The following GNAQ variants were observed in gnomAD, a reference collection of about 807,000 sequenced individuals.
The protein encoded by GNAQ is G protein subunit alpha q, also known as guanine nucleotide-binding protein G(q) subunit alpha.
Under a neutral mutation model 43.9 loss-of-function variants are expected in GNAQ, and 8 were observed. The ratio of observed to expected loss-of-function variants is 0.18; its 90% CI spans 0.11 to 0.33. The LOEUF is 0.33. GNAQ is among the 10% of genes least tolerant of loss of function. GNAQ has a pLI of 1.00. For synonymous variants in GNAQ, 155 were observed against 170.7 expected, an observed-to-expected ratio of 0.91 and a Z score of 0.71; for missense variants, 158 against 450.8, an observed-to-expected ratio of 0.35 and a Z score of 5.88.
chr9:77,756,023 C>G (rs986332953), intron 5 of GNAQ, among the ~76,000 whole-genome samples: 1 of 152,142 alleles, frequency 6.6e-6, no homozygotes, highest in African/African-American at 2.4e-5. Context: ...CAGCCGGAAT[C>G]AAAGCAGGCA....
intron 1 of GNAQ, among the ~76,000 whole-genome samples, chr9:77,969,106 C>T (rs1823205052): frequency 2.0e-5 from 3 of 152,218 alleles, no homozygotes; most frequent in Admixed American, 2.0e-4. Flanking sequence ...GGTCTGCATG[C>T]ACCCCCAGGT....
chr9:78,029,846 T>C (rs1824027632), intron 1 of GNAQ, among the ~76,000 whole-genome samples: 1 of 152,214 alleles, frequency 6.6e-6, no homozygotes, highest in Non-Finnish European at 1.5e-5. Flanking sequence ...GAAACACATT[T>C]ATTATACATG....
At chr9:77,751,801 A>C (rs1200586136) in intron 5 of GNAQ, among the ~76,000 whole-genome samples, 1 of 152,116 alleles carries the variant, frequency 6.6e-6, no homozygotes, top group Non-Finnish European at 1.5e-5. Flanking sequence ...AAAACAAACA[A>C]ACAAACAAAC....
intron 1 of GNAQ, among the ~76,000 whole-genome samples, chr9:77,945,244 G>A (rs1822871601): frequency 6.6e-6 from 1 of 152,106 alleles, no homozygotes; most frequent in African/African-American, 2.4e-5. Flanking sequence ...CACAAAAGAG[G>A]TAAATCTATT....
At chr9:77,784,394 C>A (rs999919432) in intron 5 of GNAQ, among the ~76,000 whole-genome samples, 1 of 152,142 alleles carries the variant, frequency 6.6e-6, no homozygotes, top group South Asian at 2.1e-4. Context: ...TATTCCTACC[C>A]AAGTGATCTC....
intron 2 of GNAQ, among the ~76,000 whole-genome samples, chr9:77,903,437 C>A (rs1046483567): frequency 2.0e-5 from 3 of 152,138 alleles, no homozygotes; most frequent in South Asian, 4.1e-4. Flanking sequence ...GAAGCAGGGA[C>A]TGTAAGGAGG....
chr9:78,017,818 A>G (rs1344835419), intron 1 of GNAQ, among the ~76,000 whole-genome samples: 1 of 152,212 alleles, frequency 6.6e-6, no homozygotes, highest in Non-Finnish European at 1.5e-5. Context: ...GGCAAAGGAA[A>G]TGAAGAAACA....
At chr9:77,724,291 A>G (rs1825364202) in intron 6 of GNAQ, among the ~76,000 whole-genome samples, 1 of 152,108 alleles carries the variant, frequency 6.6e-6, no homozygotes, top group South Asian at 2.1e-4. Flanking sequence ...CCTGGGTTCA[A>G]GCGAAATCTC....
At chr9:78,009,286 G>A (rs1823745384) in intron 1 of GNAQ, among the ~76,000 whole-genome samples, 1 of 152,144 alleles carries the variant, frequency 6.6e-6, no homozygotes, top group African/African-American at 2.4e-5. Flanking sequence ...AATGTGCACT[G>A]CCAGGGGTGC....
At chr9:77,991,142 G>A (rs773709252) in intron 1 of GNAQ, among the ~76,000 whole-genome samples, 21 of 152,186 alleles carry the variant, frequency 1.4e-4, no homozygotes, top group Non-Finnish European at 5.9e-5. Context: ...GAGCATATTT[G>A]CCATTTACAA....
At chr9:77,822,396 CATA>C (rs1403566791) in intron 2 of GNAQ, among the ~76,000 whole-genome samples, 1 of 152,130 alleles carries the variant, frequency 6.6e-6, no homozygotes, top group African/African-American at 2.4e-5. Flanking sequence ...TCTGAGATCA[CATA>C]ATGTTATGTG....
intron 1 of GNAQ, among the ~76,000 whole-genome samples, chr9:77,964,232 AATGTT>A (rs1823139511): frequency 6.6e-6 from 1 of 152,214 alleles, no homozygotes; most frequent in Admixed American, 6.5e-5. Flanking sequence ...AACAATCCTA[AATGTT>A]TATGTATCCA....
At chr9:77,842,623 G>A (rs1220997519) in intron 2 of GNAQ, among the ~76,000 whole-genome samples, 1 of 152,160 alleles carries the variant, frequency 6.6e-6, no homozygotes, top group African/African-American at 2.4e-5. Flanking sequence ...CTTACAGCAT[G>A]CTTTCCAAGG....
chr9:77,869,101 G>A (rs1827995673), intron 2 of GNAQ, among the ~76,000 whole-genome samples: 2 of 152,098 alleles, frequency 1.3e-5, no homozygotes, highest in Admixed American at 6.5e-5. Flanking sequence ...TCGCTCCACT[G>A]TCTTTGTCAA....
intron 3 of GNAQ, among the ~76,000 whole-genome samples, chr9:77,805,388 G>A (rs1055104347): frequency 1.3e-5 from 2 of 152,002 alleles, no homozygotes. Context: ...CAGGCATTTT[G>A]TTCATAAGAA....
chr9:77,826,882 A>C (rs1162877991), intron 2 of GNAQ, among the ~76,000 whole-genome samples: 2 of 152,320 alleles, frequency 1.3e-5, no homozygotes, highest in East Asian at 3.9e-4. Flanking sequence ...GTCCTTACAC[A>C]ACCCTTTTTT....
At chr9:77,887,915 A>G (rs1828338177) in intron 2 of GNAQ, among the ~76,000 whole-genome samples, 1 of 152,216 alleles carries the variant, frequency 6.6e-6, no homozygotes, top group Non-Finnish European at 1.5e-5. Context: ...CTGGCACATG[A>G]ATAATTCTTT....
intron 5 of GNAQ, among the ~76,000 whole-genome samples, chr9:77,771,237 G>A (rs1205435034): frequency 1.3e-5 from 2 of 152,270 alleles, no homozygotes; most frequent in East Asian, 3.9e-4. Flanking sequence ...GGGCCATAAG[G>A]GGATGGGAGA....
intron 2 of GNAQ, among the ~76,000 whole-genome samples, chr9:77,865,105 TCCA>T (rs1207056815): frequency 6.6e-6 from 1 of 152,186 alleles, no homozygotes; most frequent in Admixed American, 6.5e-5. Flanking sequence ...CTAGAATGAC[TCCA>T]CATTTGTCAG....
Sources: allele counts gnomAD v4.1 joint callset (sites outside exome capture counted in the v4.1 genomes callset), GRCh38; gene constraint gnomAD v4.1.1; transcripts MANE v1.5; gene names NCBI Gene and HGNC (gene_info 2026-07-23, HGNC 2026-07-21).